SPAG16: variants seen among roughly 807,000 people sequenced by gnomAD.
The protein encoded by SPAG16 is sperm associated antigen 16, also known as sperm-associated antigen 16 protein.
A neutral mutation model predicts 80.4 loss-of-function variants in SPAG16; 86 were observed. The ratio of observed to expected loss-of-function variants is 1.07; its 90% confidence interval spans 0.90 to 1.28. The LOEUF is 1.28. Among genes scored for constraint, SPAG16 ranks in the 50% most tolerant of loss-of-function variants. SPAG16 has a pLI of 0.00. For missense variants in SPAG16, 870 were observed against 765.3 expected (o/e 1.14, Z -1.61); for synonymous variants, 294 against 265.9 (o/e 1.11, Z -1.03).
chr2:214,277,810 G>A (rs1310247931), intron 15 of SPAG16, among the ~76,000 whole-genome samples: 1 of 152,190 alleles, frequency 6.6e-6, no homozygotes, highest in African/African-American at 2.4e-5. Context: ...GAGCTCAAAC[G>A]CTGTGCTGGA....
chr2:213,458,465 G>C (rs1433801556), intron 9 of SPAG16, among the ~76,000 whole-genome samples: 1 of 152,040 alleles, frequency 6.6e-6, no homozygotes, highest in East Asian at 1.9e-4. Flanking sequence ...CCAGCTACTA[G>C]GGAGGCTGAG....
chr2:214,033,190 C>G (rs2048510528), intron 13 of SPAG16, among the ~76,000 whole-genome samples: 1 of 152,146 alleles, frequency 6.6e-6, no homozygotes, highest in Non-Finnish European at 1.5e-5. Flanking sequence ...AATGCATGAT[C>G]ACTTATTTTT....
At chr2:214,396,402 TG>T (rs1281503226) in intron 15 of SPAG16, among the ~76,000 whole-genome samples, 1 of 152,200 alleles carries the variant, frequency 6.6e-6, no homozygotes, top group Non-Finnish European at 1.5e-5. Context: ...TGTGCTTCTC[TG>T]ATAATTCAAA....
chr2:214,137,574 T>G lies in SPAG16; in HGVS notation c.1594-11566T>G, dbSNP rs1000579260. Among the ~76,000 whole-genome samples the G allele has an allele frequency of 9.9e-5, 15 of 152,218 alleles. No homozygotes were observed. In the East Asian group the frequency reaches 2.1e-3, roughly 22 times the overall value. On this transcript the variant is annotated intron_variant, in intron 14 of 15. Coordinates refer to ENST00000331683, the MANE Select transcript of SPAG16 (RefSeq NM_024532.5). ...TCCTGATGGGGAAATATTTTCTATATTTTTAAACTTTTGTGATATACTCTA... is the reference window on the plus strand; with the variant it reads ...TCCTGATGGGGAAATATTTTCTATAGTTTTAAACTTTTGTGATATACTCTA...
At chr2:214,237,692 G>C (rs1402747575) in intron 15 of SPAG16, among the ~76,000 whole-genome samples, 1 of 151,916 alleles carries the variant, frequency 6.6e-6, no homozygotes, top group Non-Finnish European at 1.5e-5. Context: ...CCAGTTATGA[G>C]TTTACTCTTG....
intron 9 of SPAG16, among the ~76,000 whole-genome samples, chr2:213,407,011 G>A (rs571395617): frequency 4.6e-5 from 7 of 151,464 alleles, no homozygotes; most frequent in African/African-American, 9.7e-5. Context: ...ATACTGCGGC[G>A]ACCACTCTGT....
chr2:213,552,154 A>G (rs2076797777), intron 10 of SPAG16, among the ~76,000 whole-genome samples: 1 of 152,102 alleles, frequency 6.6e-6, no homozygotes. Context: ...TTTTTGTTTT[A>G]GGTCAAAGCT....
At chr2:213,369,897 G>T (rs971683583) in intron 8 of SPAG16, among the ~76,000 whole-genome samples, 17 of 151,954 alleles carry the variant, frequency 1.1e-4, no homozygotes, top group Non-Finnish European at 1.8e-4. Flanking sequence ...GAGTGTCCAT[G>T]ACATTAATAT....
chr2:213,759,104 G>T (rs13029881), intron 10 of SPAG16, among the ~76,000 whole-genome samples: 32,577 of 152,028 alleles, frequency 0.21, 4,338 homozygotes, highest in Middle Eastern at 0.32. Context: ...GCGAAATTAA[G>T]ACATCCCCAG....
At chr2:213,757,938 G>A (rs372405239) in intron 10 of SPAG16, 2 of 152,352 alleles carry the variant, frequency 1.3e-5, no homozygotes, top group African/African-American at 4.8e-5. Context: ...ACTTCCAGAA[G>A]ATTAAAAGGG....
At chr2:213,626,981 A>G (rs1349527782) in intron 10 of SPAG16, among the ~76,000 whole-genome samples, 1 of 152,128 alleles carries the variant, frequency 6.6e-6, no homozygotes, top group African/African-American at 2.4e-5. Context: ...AGTACTATAG[A>G]CAAAAGCACA....
intron 15 of SPAG16, among the ~76,000 whole-genome samples, chr2:214,185,111 G>A (rs574317219): frequency 9.3e-4 from 142 of 152,040 alleles, no homozygotes; most frequent in Non-Finnish European, 1.5e-3. Context: ...AAAAAAATAG[G>A]CTTATTTGCA....
chr2:214,129,787 A>C (rs570220009), intron 14 of SPAG16, among the ~76,000 whole-genome samples: 1 of 152,162 alleles, frequency 6.6e-6, no homozygotes, highest in African/African-American at 2.4e-5. Context: ...ATTGATAATC[A>C]CTAACATTTT....
intron 15 of SPAG16, 132 bp downstream of exon 15, chr2:214,149,398 TTAC>T: frequency 2.6e-6 from 2 of 764,580 alleles, no homozygotes; most frequent in Non-Finnish European, 3.6e-6. Flanking sequence ...TTATATTACA[TTAC>T]ATTAAGATAT....
chr2:213,757,102 G>A (rs911251998), intron 10 of SPAG16, among the ~76,000 whole-genome samples: 3 of 151,916 alleles, frequency 2.0e-5, no homozygotes, highest in Non-Finnish European at 2.9e-5. Context: ...AATCTGAAAC[G>A]GAAATTTTTA....
intron 15 of SPAG16, among the ~76,000 whole-genome samples, chr2:214,251,155 A>C (rs1357871373): frequency 6.6e-6 from 1 of 151,912 alleles, no homozygotes; most frequent in Admixed American, 6.6e-5. Context: ...CATTGTGAAT[A>C]AATACAAGTT....
At chr2:213,671,198 G>A (rs2063800166) in intron 10 of SPAG16, among the ~76,000 whole-genome samples, 1 of 152,114 alleles carries the variant, frequency 6.6e-6, no homozygotes, top group African/African-American at 2.4e-5. Context: ...GACTGATATT[G>A]TTTAGGATAA....
intron 3 of SPAG16, among the ~76,000 whole-genome samples, chr2:213,301,423 A>T (rs1360350777): frequency 6.6e-6 from 1 of 152,192 alleles, no homozygotes; most frequent in African/African-American, 2.4e-5. Context: ...GGTCAACTAA[A>T]GTTGTCAAAG....
intron 10 of SPAG16, among the ~76,000 whole-genome samples, chr2:213,624,894 G>A (rs962969682): frequency 9.9e-5 from 15 of 152,070 alleles, no homozygotes; most frequent in African/African-American, 2.4e-4. Context: ...AAGTTCAAGC[G>A]ATTCTACTGC....
Sources: allele counts gnomAD v4.1 joint callset (sites outside exome capture counted in the v4.1 genomes callset), GRCh38; gene constraint gnomAD v4.1.1; transcripts MANE v1.5; gene names NCBI Gene and HGNC (gene_info 2026-07-23, HGNC 2026-07-21).